Variants in AKT2 observed in about 807,000 individuals in gnomAD.
AKT2 encodes AKT serine/threonine kinase 2.
A neutral mutation model predicts 58.6 loss-of-function variants in AKT2; 16 were observed. That is an observed-to-expected ratio of 0.27 (90% CI 0.18 to 0.41). The LOEUF is 0.41. Ranked by LOEUF, AKT2 falls within the 10% of genes least tolerant of loss-of-function variation. The pLI is 1.00. For synonymous variants in AKT2, 253 were observed against 254.0 expected (o/e 1.00, Z 0.04); for missense variants, 438 against 661.0 (o/e 0.66, Z 3.70).
rs751171481 is a variant in AKT2 at position 40,236,390 on chromosome 19, T to C, written c.832-5A>G. The C allele has an allele frequency of 1.2e-6, 2 of 1,614,116 alleles. No homozygotes were observed. Among genetic ancestry groups the C allele is most frequent in the Non-Finnish European group, 1.7e-6 (2 of 1,180,032 alleles). Reference sequence around the variant, plus strand: ...GTCCAGCATGAGGTTTTCCAGCTGTTGGAAAAGTCAACGGATCTCAGGTGC... The same window carrying C: ...GTCCAGCATGAGGTTTTCCAGCTGTCGGAAAAGTCAACGGATCTCAGGTGC... On this transcript the variant is annotated splice_polypyrimidine_tract_variant and splice_region_variant and intron_variant, in intron 9 of 13. Transcript: ENST00000392038.
At chr19:40,263,078 C>T (rs1367188876) in intron 2 of AKT2, among the ~76,000 whole-genome samples, 1 of 152,242 alleles carries the variant, frequency 6.6e-6, no homozygotes, top group Non-Finnish European at 1.5e-5. Context: ...GCTGGGTCAT[C>T]TGGCCCCTTG....
At chr19:40,278,781 C>T (rs937296484) in intron 1 of AKT2, among the ~76,000 whole-genome samples, 4 of 151,958 alleles carry the variant, frequency 2.6e-5, no homozygotes, top group African/African-American at 9.7e-5. Flanking sequence ...GCAGCAGCTC[C>T]GTGCATCCTC....
At position 40,242,232 on chromosome 19, in the gene AKT2, C is replaced by A; in HGVS notation, c.442-163G>T. On this transcript the variant is annotated intron_variant, in intron 5 of 13. Coordinates refer to ENST00000392038, the MANE Select transcript of AKT2 (RefSeq NM_001626.6). The surrounding 1 kb of genome is among the most constrained non-coding windows in gnomAD (Gnocchi z 4.3). The stretch of plus-strand genomic sequence containing the variant: ...GCAGCAACTGTGTGTTCTGAAGCGG[C>A]CTTCAGACCAGGCTCTGCAGGCACA... The A allele has an allele frequency of 9.2e-7, 1 of 1,092,450 alleles. No individual in the cohort carries two copies. The highest frequency in any genetic ancestry group is 1.3e-6 in the Non-Finnish European group (1 of 745,874). 67.7% of individuals were successfully genotyped at this position (1,092,450 alleles called of 1,614,324 possible). A position where few individuals can be genotyped will look rare whatever the true frequency, so the allele number is the denominator to read the frequency against.
intron 4 of AKT2, chr19:40,243,645 T>C (rs1469173890): frequency 6.6e-6 from 1 of 152,204 alleles, no homozygotes; most frequent in Non-Finnish European, 1.5e-5. Context: ...TCCCAGCATT[T>C]TGGGAGGCCA....
At chr19:40,267,798 A>T (rs1006476721) in intron 1 of AKT2, among the ~76,000 whole-genome samples, 3 of 152,162 alleles carry the variant, frequency 2.0e-5, no homozygotes, top group Non-Finnish European at 2.9e-5. Flanking sequence ...CCCTGCCTTC[A>T]TGAGGCTCAC....
intron 1 of AKT2, chr19:40,282,554 G>A (rs765346123): frequency 9.4e-6 from 5 of 532,452 alleles, no homozygotes; most frequent in Non-Finnish European, 1.9e-5. Context: ...GGGGTAAGAG[G>A]AAGGAAAGAC....
rs1442736704 is a variant in AKT2, at chr19:40,261,406, G to A, written c.46+3816C>T. Among the ~76,000 whole-genome samples the A allele has an allele frequency of 3.9e-5, 6 of 151,962 alleles. No individual in the cohort carries two copies. In the East Asian group the frequency reaches 5.8e-4, roughly 15 times the overall value. On this transcript the variant is annotated intron_variant, in intron 2 of 13. Transcript: ENST00000392038. ...AAATTAGCCAAGCATGGTGGCACAC[G>A]CCTGTAATCCCAGCTACTCAGGAGG...
At chr19:40,257,530 C>T (rs899419705) in intron 2 of AKT2, among the ~76,000 whole-genome samples, 7 of 152,008 alleles carry the variant, frequency 4.6e-5, no homozygotes, top group African/African-American at 1.7e-4. Context: ...TCCCAGCGCC[C>T]CTTGACTCTT....
chr19:40,263,592 G>A (rs1335165803), intron 2 of AKT2, among the ~76,000 whole-genome samples: 1 of 152,198 alleles, frequency 6.6e-6, no homozygotes, highest in Non-Finnish European at 1.5e-5. Flanking sequence ...CCAGACTCCA[G>A]GCTCAGGCTG....
At chr19:40,270,759 T>C (rs1281849447) in intron 1 of AKT2, 2 of 152,260 alleles carry the variant, frequency 1.3e-5, no homozygotes, top group African/African-American at 4.8e-5. Flanking sequence ...ACGCGTGTAA[T>C]CCCAGCACTT....
intron 3 of AKT2, among the ~76,000 whole-genome samples, chr19:40,256,240 G>A (rs1003333291): frequency 1.3e-5 from 2 of 152,148 alleles, no homozygotes; most frequent in African/African-American, 4.8e-5. Context: ...AGAGCAGCGT[G>A]GGACGGGGAC....
At chr19:40,236,483 T>C in intron 9 of AKT2, 98 bp from the exon 10 acceptor site, 1 of 1,532,946 alleles carries the variant, frequency 6.5e-7, no homozygotes, top group Non-Finnish European at 8.9e-7. Context: ...CTCCTGGACA[T>C]CAACCCTCCC....
At chr19:40,239,993 G>A in intron 7 of AKT2, 52 bp downstream of exon 7, 2 of 1,581,510 alleles carry the variant, frequency 1.3e-6, no homozygotes, top group Non-Finnish European at 1.7e-6. Context: ...CTCTCTCTGA[G>A]CTCTGTCCAA....
intron 2 of AKT2, among the ~76,000 whole-genome samples, chr19:40,258,036 C>T (rs1045154595): frequency 6.6e-6 from 1 of 151,814 alleles, no homozygotes; most frequent in Admixed American, 6.6e-5. Context: ...CACCTGAGGT[C>T]GGGAGTTGGA....
intron 4 of AKT2, among the ~76,000 whole-genome samples, chr19:40,249,367 G>T (rs758329545): frequency 6.6e-6 from 1 of 152,154 alleles, no homozygotes; most frequent in Admixed American, 6.5e-5. Context: ...CAGGCCCTGC[G>T]CCAGTGCCTT....
At chr19:40,270,315 G>C (rs767403955) in intron 1 of AKT2, among the ~76,000 whole-genome samples, 1 of 152,214 alleles carries the variant, frequency 6.6e-6, no homozygotes, top group Non-Finnish European at 1.5e-5. Flanking sequence ...GGCTGCCTTA[G>C]CCACAGCTGG....
At chr19:40,266,899 C>A (rs368516227) in intron 1 of AKT2, among the ~76,000 whole-genome samples, 11 of 152,294 alleles carry the variant, frequency 7.2e-5, no homozygotes, top group African/African-American at 2.2e-4. Context: ...GAGGTCCAGG[C>A]TGCAGTGAGC....
At chr19:40,260,159 C>G (rs1034225437) in intron 2 of AKT2, among the ~76,000 whole-genome samples, 2 of 150,586 alleles carry the variant, frequency 1.3e-5, no homozygotes, top group African/African-American at 2.4e-5. Flanking sequence ...CTCAAAAAAA[C>G]AAAACAAAAC....
intron 4 of AKT2, among the ~76,000 whole-genome samples, chr19:40,251,039 CA>C (rs926752962): frequency 6.6e-6 from 1 of 151,698 alleles, no homozygotes; most frequent in African/African-American, 2.4e-5. Context: ...TCTGTCTCCA[CA>C]AAAAAATTTA....
Sources: allele counts gnomAD v4.1 joint callset (sites outside exome capture counted in the v4.1 genomes callset), GRCh38; gene constraint gnomAD v4.1.1; non-coding constraint Gnocchi (gnomAD v3.1); transcripts MANE v1.5; gene names NCBI Gene and HGNC (gene_info 2026-07-23, HGNC 2026-07-21).